The following CENPK variants were observed in gnomAD, a reference collection of about 807,000 sequenced individuals.
CENPK encodes the protein centromere protein K.
Under a neutral mutation model 40.9 loss-of-function variants are expected in CENPK, and 46 were observed. The ratio of observed to expected loss-of-function variants is 1.13; its 90% CI spans 0.89 to 1.44. The LOEUF (loss-of-function observed/expected upper bound fraction) is 1.44, where lower values mean the gene tolerates loss of function less well. Ranked by LOEUF, CENPK falls within the 40% of genes most tolerant of loss-of-function variation. CENPK has a pLI of 0.00. For synonymous variants in CENPK, 107 were observed against 104.4 expected (o/e 1.02, Z -0.15); for missense variants, 288 against 303.5 (o/e 0.95, Z 0.38).
chr5:65,521,546 A>G lies in CENPK; in HGVS notation c.598-18T>C. 2 of 1,515,364 alleles carry G rather than the reference A, an allele frequency of 1.3e-6. No individual in the cohort carries two copies. Among genetic ancestry groups the G allele is most frequent in the Non-Finnish European group, 1.8e-6 (2 of 1,092,964 alleles). 93.9% of individuals were successfully genotyped at this position (1,515,364 alleles called of 1,614,324 possible). On this transcript the variant is annotated intron_variant, in intron 9 of 10. Transcript: ENST00000396679. ...ATGTTTTTCTTCAAGAGAAATGTGA[A>G]TAACAAACAATTACCACTTCACTTC...
At chr5:65,558,125 CAAACAAACA>C (rs1042160948) in intron 2 of CENPK, among the ~76,000 whole-genome samples, 2 of 151,882 alleles carry the variant, frequency 1.3e-5, no homozygotes, top group African/African-American at 2.4e-5. Flanking sequence ...ATACCAAAAA[CAAACAAACA>C]AAACAAACAA....
Position 65,563,074 on chromosome 5 carries a change from C to T in CENPK, c.-142+24G>A, listed in dbSNP as rs137860782. ...GCTCCACAAGATTCAACCGTTATAT[C>T]AACCTCCCCGGCCCAGGTCTTACCA... On this transcript the variant is annotated intron_variant, in intron 1 of 10. Coordinates refer to ENST00000396679, the MANE Select transcript of CENPK (RefSeq NM_022145.5). The T allele has an allele frequency of 7.6e-4, 343 of 449,592 alleles. 3 individuals carry two copies. Among genetic ancestry groups the T allele is most frequent in the African/African-American group, 6.5e-3 (324 of 49,502 alleles). The allele number at this position is 449,592 out of a possible 1,614,324, so 27.9% of individuals were successfully genotyped here.
intron 5 of CENPK, among the ~76,000 whole-genome samples, chr5:65,548,155 G>C (rs1038883346): frequency 6.6e-6 from 1 of 152,204 alleles, no homozygotes; most frequent in African/African-American, 2.4e-5. Context: ...GATAGTCCAA[G>C]TTTGGTTCTA....
At chr5:65,549,449 C>T (rs188771239) in intron 5 of CENPK, among the ~76,000 whole-genome samples, 37 of 152,274 alleles carry the variant, frequency 2.4e-4, no homozygotes, top group African/African-American at 7.5e-4. Flanking sequence ...CCTTTTGAAG[C>T]TTTGGAGCCA....
intron 9 of CENPK, 45 bp downstream of exon 9, chr5:65,528,407 A>T: frequency 6.5e-7 from 1 of 1,545,144 alleles, no homozygotes; most frequent in Non-Finnish European, 8.7e-7. Flanking sequence ...ACCTAAAATA[A>T]TTTCAAATAT....
At chr5:65,507,464 T>A in the CENPK span, among the ~76,000 whole-genome samples, 1 of 152,224 alleles carries the variant, frequency 6.6e-6, no homozygotes, top group African/African-American at 2.4e-5. Flanking sequence ...TCTGTTTGCC[T>A]TGGCTATCTT....
downstream of CENPK, among the ~76,000 whole-genome samples, chr5:65,514,564 C>T (rs1318020530): frequency 6.6e-6 from 1 of 152,172 alleles, no homozygotes; most frequent in Non-Finnish European, 1.5e-5. Context: ...CGTGCTCAGC[C>T]TCACAGAGTG....
intron 5 of CENPK, chr5:65,551,114 G>T: frequency 2.8e-6 from 1 of 357,316 alleles, no homozygotes. Flanking sequence ...ACCAAGCATG[G>T]TGGCACACAC....
In CENPK at chr5:65,521,481, C is replaced by A. The variant is rs1440453004; in HGVS notation, c.645G>T (p.Met215Ile). 3 of 1,609,106 alleles carry A rather than the reference C, an allele frequency of 1.9e-6. No individual in the cohort carries two copies. Residue 215 changes from methionine (M) to isoleucine (I), a missense_variant, in exon 10 of 11, where the codon ATG (methionine) becomes ATT (isoleucine). By Grantham distance (10) the Met-to-Ile change is conservative. Transcript: ENST00000396679. ...SSVNLITLHEMLEILINRLFD... is the reference protein window; with the variant it reads ...SSVNLITLHEILEILINRLFD... Reference sequence around the variant, plus strand: ...AACTACACAAAACACTTACCTCTAACATTTCATGCAGTGTTATCAGGTTTA... The same window carrying A: ...AACTACACAAAACACTTACCTCTAAAATTTCATGCAGTGTTATCAGGTTTA...
intron 5 of CENPK, 37 bp downstream of exon 5, chr5:65,551,527 G>GT: frequency 6.1e-6 from 7 of 1,151,066 alleles, no homozygotes; most frequent in Non-Finnish European, 8.7e-6. Flanking sequence ...CTATTAATAG[G>GT]TTTACAAAAA....
intron 6 of CENPK, among the ~76,000 whole-genome samples, chr5:65,536,776 T>C (rs1212128098): frequency 3.9e-5 from 6 of 152,236 alleles, no homozygotes; most frequent in African/African-American, 1.2e-4. Flanking sequence ...AATTCGACTT[T>C]AGCTTTATTT....
At chr5:65,552,999 C>T (rs933758439) in intron 3 of CENPK, among the ~76,000 whole-genome samples, 7 of 152,062 alleles carry the variant, frequency 4.6e-5, no homozygotes, top group African/African-American at 1.4e-4. Flanking sequence ...GATAAAAATA[C>T]GAGTAAATTC....
intron 6 of CENPK, among the ~76,000 whole-genome samples, chr5:65,536,944 C>T (rs72762431): frequency 6.6e-6 from 1 of 152,162 alleles, no homozygotes; most frequent in Admixed American, 6.5e-5. Flanking sequence ...GTGATTAATG[C>T]CATAATTGCC....
chr5:65,511,354 T>C, the CENPK span, among the ~76,000 whole-genome samples: 1 of 152,232 alleles, frequency 6.6e-6, no homozygotes, highest in African/African-American at 2.4e-5. Context: ...CAGCAAATTT[T>C]CAAGGTAGAC....
intron 5 of CENPK, among the ~76,000 whole-genome samples, chr5:65,549,482 T>C (rs1749599104): frequency 6.6e-6 from 1 of 152,228 alleles, no homozygotes; most frequent in Non-Finnish European, 1.5e-5. Context: ...TCTCTAACTA[T>C]AAGAGTCCTA....
the CENPK span, among the ~76,000 whole-genome samples, chr5:65,499,062 A>AT: frequency 6.7e-6 from 1 of 150,168 alleles, no homozygotes; most frequent in African/African-American, 2.5e-5. Context: ...GCCTCCCTTT[A>AT]TTGCCCAGGG....
intron 2 of CENPK, among the ~76,000 whole-genome samples, chr5:65,559,940 TTCC>T (rs1376971142): frequency 2.0e-5 from 3 of 151,898 alleles, no homozygotes; most frequent in South Asian, 2.1e-4. Flanking sequence ...CATATAAATC[TTCC>T]TCATTTTTTT....
At chr5:65,532,666 T>C (rs1746049312) in intron 6 of CENPK, among the ~76,000 whole-genome samples, 1 of 151,842 alleles carries the variant, frequency 6.6e-6, no homozygotes, top group African/African-American at 2.4e-5. Flanking sequence ...TCCCAGGACT[T>C]TCGGAGGCTG....
At chr5:65,514,253 TTTTTTTTTAGTTTTTTTTAG>T (rs773394435), downstream of CENPK, among the ~76,000 whole-genome samples, 3 of 28,346 alleles carry the variant, frequency 1.1e-4, no homozygotes, top group African/African-American at 1.5e-4. Context: ...TTTTTTTTTT[TTTTTTTTTAGTTTTTTTTAG>T]TTTTTTTTGA....
Sources: gnomAD v4.1 joint callset for allele counts (sites outside exome capture counted in the v4.1 genomes callset) on GRCh38, gnomAD v4.1.1 for gene constraint, MANE v1.5 for transcripts, NCBI Gene and HGNC (gene_info 2026-07-23, HGNC 2026-07-21) for gene names.